Variants in SMC4 observed in about 807,000 individuals in gnomAD.
SMC4 encodes structural maintenance of chromosomes 4.
SMC4 carries 87 observed loss-of-function variants against 145.6 expected under a neutral mutation model. The ratio of observed to expected loss-of-function variants is 0.60; its 90% CI spans 0.50 to 0.71. The LOEUF is 0.71. SMC4 is among the 30% of genes least tolerant of loss of function. The pLI is 0.00. For missense variants in SMC4, 1,447 were observed against 1,537.1 expected (o/e 0.94, Z 0.98); for synonymous variants, 558 against 500.7 (o/e 1.11, Z -1.53).
Position 160,412,396 on chromosome 3 carries a change from T to C in SMC4, c.923T>C (p.Phe308Ser). Residue 308 changes from phenylalanine to serine, a missense_variant, in exon 7 of 24, where the codon TTT becomes TCT. By Grantham distance (155) the Phe-to-Ser change is radical. Transcript: ENST00000357388. Reference sequence around the variant, plus strand: ...GGAGAGAAAAACATAGCTATCGAATTTCTTACCTTGGAAAATGAAATATTT... The same window carrying C: ...GGAGAGAAAAACATAGCTATCGAATCTCTTACCTTGGAAAATGAAATATTT... ...LEGEKNIAIE[F>S]LTLENEIFRK... is the part of the protein sequence containing the mutation. 1.2e-6 allele frequency: 2 copies of C among 1,606,200 alleles called. No individual in the cohort carries two copies. The highest frequency in any genetic ancestry group is 1.7e-6 in the Non-Finnish European group (2 of 1,173,256).
intron 21 of SMC4, 141 bp downstream of exon 21, chr3:160,431,966 C>G (rs1718453313): frequency 5.9e-6 from 5 of 846,576 alleles, no homozygotes; most frequent in Admixed American, 3.2e-5. Flanking sequence ...CTTTGGGAGG[C>G]CAAAGGCGGG....
At position 160,420,746 on chromosome 3, in the gene SMC4, T is replaced by G; in HGVS notation, c.1864T>G (p.Leu622Val). 1 of 1,613,772 alleles carries G rather than the reference T, an allele frequency of 6.2e-7. No homozygotes were observed. The highest frequency in any genetic ancestry group is 8.5e-7 in the Non-Finnish European group (1 of 1,179,894). ...IPGIYGRLGDLGAIDEKYDVA... is the reference protein window; with the variant it reads ...IPGIYGRLGDVGAIDEKYDVA... ...CCCCACTCTTCATTATTAGGGGGAC[T>G]TAGGAGCCATTGATGAAAAATACGA... The change falls in exon 13 of 24, where the codon TTA becomes GTA. Residue 622 changes from leucine to valine, a missense_variant. Physicochemically the swap from Leu to Val is conservative, Grantham distance 32. Transcript: ENST00000357388.
At chr3:160,416,013 C>G (rs371449951) in intron 9 of SMC4, among the ~76,000 whole-genome samples, 1 of 152,152 alleles carries the variant, frequency 6.6e-6, no homozygotes, top group Non-Finnish European at 1.5e-5. Context: ...CTGCCAGAGA[C>G]AGTTTTCCTT....
rs746520260 is a variant in SMC4 at position 160,428,818 on chromosome 3, A to G, written c.2671A>G (p.Ile891Val). ...EAEVKRLHNT[I>V]VEINNHKLKA... ...TGAGGTTAAACGCTTACACAATACC[A>G]TCGTAGAAATCAATAATCATAAACT... The change falls in exon 18 of 24, where the codon ATC (isoleucine) becomes GTC (valine). Residue 891 changes from isoleucine (I) to valine (V), a missense_variant. Coordinates refer to ENST00000357388, the MANE Select transcript of SMC4 (RefSeq NM_001002800.3). The G allele has an allele frequency of 6.2e-7, 1 of 1,608,234 alleles. No homozygotes were observed. The highest frequency in any genetic ancestry group is 1.7e-5 in the Admixed American group (1 of 57,916).
In SMC4 at chr3:160,417,789, G is replaced by A. The variant is rs752489613; in HGVS notation, c.1504G>A (p.Ala502Thr). Residue 502 changes from alanine to threonine, a missense_variant, in exon 11 of 24, where the codon GCC becomes ACC. Coordinates refer to ENST00000357388, the MANE Select transcript of SMC4 (RefSeq NM_001002800.3). Reference sequence around the variant, plus strand: ...TGAAGCACGTTCAAAGATGGATGTAGCCCAGTCAGAACTTGATATCTATCT... The same window carrying A: ...TGAAGCACGTTCAAAGATGGATGTAACCCAGTCAGAACTTGATATCTATCT... ...VNEARSKMDV[A>T]QSELDIYLSR... 3.7e-6 allele frequency: 6 copies of A among 1,613,476 alleles called. No individual in the cohort carries two copies. The highest frequency in any genetic ancestry group is 1.3e-5 in the African/African-American group (1 of 74,908).
At chr3:160,414,930 A>C (rs1435610754) in intron 9 of SMC4, among the ~76,000 whole-genome samples, 4 of 152,246 alleles carry the variant, frequency 2.6e-5, no homozygotes, top group African/African-American at 9.6e-5. Context: ...TTACCAAATC[A>C]GGAGTTCCAT....
At chr3:160,412,645 T>G in intron 7 of SMC4, 192 bp downstream of exon 7, 1 of 1,135,388 alleles carries the variant, frequency 8.8e-7, no homozygotes, top group African/African-American at 1.6e-5. Context: ...GAGGATCACT[T>G]GAGGCTGGGA....
At chr3:160,404,159 T>C (rs1377288288) in intron 4 of SMC4, 169 bp from the exon 5 acceptor site, 1 of 580,492 alleles carries the variant, frequency 1.7e-6, no homozygotes, top group Non-Finnish European at 2.9e-6. Flanking sequence ...AAAGTATCAA[T>C]TCTTTGCTAA....
At position 160,402,113 on chromosome 3, in the gene SMC4, T is replaced by A; in HGVS notation, c.318+20T>A. Reference sequence around the variant, plus strand: ...CATAAGGTATTTGTATGGAAATAACTATTTTATAACTTTTTAAATAACTAT... The same window carrying A: ...CATAAGGTATTTGTATGGAAATAACAATTTTATAACTTTTTAAATAACTAT... On this transcript the variant is annotated intron_variant, in intron 3 of 23. Transcript: ENST00000357388. 6.8e-7 allele frequency: 1 copy of A among 1,460,640 alleles called. No individual in the cohort carries two copies. Among genetic ancestry groups the A allele is most frequent in the Non-Finnish European group, 9.1e-7 (1 of 1,093,350 alleles). The allele number at this position is 1,460,640 out of a possible 1,614,324, so 90.5% of individuals were successfully genotyped here. A position where few individuals can be genotyped will look rare whatever the true frequency, so the allele number is the denominator to read the frequency against.
rs1387034880 is a variant in SMC4 at position 160,428,837 on chromosome 3, A to G, written c.2690A>G (p.His897Arg). 2 of 1,607,420 alleles carry G rather than the reference A, an allele frequency of 1.2e-6. No individual in the cohort carries two copies. Among genetic ancestry groups the G allele is most frequent in the East Asian group, 2.2e-5 (1 of 44,700 alleles). ...AATACCATCGTAGAAATCAATAATC[A>G]TAAACTCAAGGCCCAACAAGACAAA... ...LHNTIVEINN[H>R]KLKAQQDKLD... Residue 897 changes from histidine (H) to arginine (R), a missense_variant, in exon 18 of 24, where the codon CAT becomes CGT. His to Arg is a conservative substitution (Grantham distance 29). Coordinates refer to ENST00000357388, the MANE Select transcript of SMC4 (RefSeq NM_001002800.3).
Position 160,402,772 on chromosome 3 carries a change from T to A in SMC4, c.415T>A (p.Ser139Thr). ...VFGYRAQKIR[S>T]KKLSVLIHNS... ...TGGCTATCGAGCACAAAAAATAAGA[T>A]CTAAAAAACTCTCAGTATTAATACA... is the stretch of plus-strand genomic sequence containing the variant. The change falls in exon 4 of 24, where the codon TCT becomes ACT. Residue 139 changes from serine to threonine, a missense_variant. By Grantham distance (58) the Ser-to-Thr change is moderately conservative. Coordinates refer to ENST00000357388, the MANE Select transcript of SMC4 (RefSeq NM_001002800.3). 6.2e-7 allele frequency: 1 copy of A among 1,612,072 alleles called. No homozygotes were observed. The highest frequency in any genetic ancestry group is 2.2e-5 in the East Asian group (1 of 44,766).
Position 160,402,807 on chromosome 3 carries a change from T to G in SMC4, c.450T>G (p.Asp150Glu), listed in dbSNP as rs1714852860. ...TCTCAGTATTAATACATAATTCTGA[T>G]GAACACAAGGACATTCAGAGTTGTA... ...KKLSVLIHNSDEHKDIQSCTV... is the reference protein window; with the variant it reads ...KKLSVLIHNSEEHKDIQSCTV... The change falls in exon 4 of 24, where the codon GAT becomes GAG. Residue 150 changes from aspartate to glutamate, a missense_variant. By Grantham distance (45) the Asp-to-Glu change is conservative. Coordinates refer to ENST00000357388, the MANE Select transcript of SMC4 (RefSeq NM_001002800.3). 2 of 1,608,358 alleles carry G rather than the reference T, an allele frequency of 1.2e-6. No homozygotes were observed. The highest frequency in any genetic ancestry group is 1.7e-6 in the Non-Finnish European group (2 of 1,178,668).
chr3:160,431,510 T>TGAA, intron 20 of SMC4, 133 bp from the exon 21 acceptor site: 1 of 753,662 alleles, frequency 1.3e-6, no homozygotes, highest in Non-Finnish European at 2.1e-6. Flanking sequence ...TGAAGTCCTT[T>TGAA]GAAAAATAAT....
rs569164050 is a variant in SMC4 at position 160,431,940 on chromosome 3, G to A, written c.3297+115G>A. On this transcript the variant is annotated intron_variant, in intron 21 of 23. Transcript: ENST00000357388. Reference sequence around the variant, plus strand: ...CTGTTGGCCGGGCGTGGTGGCTCACGCCTGTAATCCCAGCACTTTGGGAGG... The same window carrying A: ...CTGTTGGCCGGGCGTGGTGGCTCACACCTGTAATCCCAGCACTTTGGGAGG... The A allele has an allele frequency of 3.8e-5, 42 of 1,099,734 alleles. No homozygotes were observed. In the South Asian group the frequency reaches 4.0e-4, roughly 11 times the overall value. 68.1% of individuals were successfully genotyped at this position (1,099,734 alleles called of 1,614,324 possible).
At chr3:160,415,811 T>C (rs768873056) in intron 9 of SMC4, among the ~76,000 whole-genome samples, 2 of 152,226 alleles carry the variant, frequency 1.3e-5, no homozygotes, top group Non-Finnish European at 2.9e-5. Context: ...ATATTAGCCC[T>C]ACATGATGAC....
rs1185116112 is a variant in SMC4 at position 160,423,787 on chromosome 3, G to T, written c.2272G>T (p.Val758Leu). ...SGTMTGGGSKVMKGRMGSSLV... is the reference protein window; with the variant it reads ...SGTMTGGGSKLMKGRMGSSLV... ...TACAATGACTGGTGGTGGAAGCAAA[G>T]TAATGAAAGGAAGAATGGGTTCCTC... is the stretch of plus-strand genomic sequence containing the variant. Residue 758 changes from valine (V) to leucine (L), a missense_variant, in exon 15 of 24, where the codon GTA becomes TTA. Coordinates refer to ENST00000357388, the MANE Select transcript of SMC4 (RefSeq NM_001002800.3). 3.1e-6 allele frequency: 5 copies of T among 1,613,576 alleles called. No individual in the cohort carries two copies. The highest frequency in any genetic ancestry group is 4.2e-6 in the Non-Finnish European group (5 of 1,179,854).
intron 1 of SMC4, 26 bp from the exon 2 acceptor site, chr3:160,400,796 T>A (rs765512422): frequency 9.4e-6 from 14 of 1,486,276 alleles, no homozygotes; most frequent in Middle Eastern, 1.8e-4. Context: ...CGGGCTGACT[T>A]GCTCCCGGCT....
chr3:160,406,094 A>T (rs1451249803), intron 5 of SMC4, among the ~76,000 whole-genome samples: 1 of 152,120 alleles, frequency 6.6e-6, no homozygotes, highest in Non-Finnish European at 1.5e-5. Flanking sequence ...CGAAGTAAAT[A>T]ATTTATAAAT....
rs1314159784 is a variant in SMC4 at position 160,416,372 on chromosome 3, A to AGCATACATCTT, written c.1394_1395insGCATACATCTT (p.Asp465GlufsTer32). ...GAAAAAAAATTAAAGGAAGTTATGG[A>AGCATACATCTT]TAGCCTTAAACAGGAAACACAAGGG... On this transcript the variant is annotated frameshift_variant, in exon 10 of 24. Coordinates refer to ENST00000357388, the MANE Select transcript of SMC4 (RefSeq NM_001002800.3). LOFTEE classifies it high-confidence loss of function. 6.3e-7 allele frequency: 1 copy of AGCATACATCTT among 1,597,580 alleles called. No homozygotes were observed. Among genetic ancestry groups the AGCATACATCTT allele is most frequent in the Admixed American group, 1.7e-5 (1 of 58,312 alleles).
Sources: gnomAD v4.1 joint callset for allele counts (sites outside exome capture counted in the v4.1 genomes callset) on GRCh38, gnomAD v4.1.1 for gene constraint, MANE v1.5 for transcripts, NCBI Gene and HGNC (gene_info 2026-07-23, HGNC 2026-07-21) for gene names.